The following POLD3 variants were observed in gnomAD, a reference collection of about 807,000 sequenced individuals.
The protein encoded by POLD3 is DNA polymerase delta 3, accessory subunit.
Under a neutral mutation model 58.2 loss-of-function variants are expected in POLD3, and 19 were observed. The observed-to-expected ratio is 0.33, with a 90% CI of 0.23 to 0.48. The LOEUF is 0.48. Ranked by LOEUF, POLD3 falls within the 20% of genes least tolerant of loss-of-function variation. The pLI is 0.99. For missense variants in POLD3, 504 were observed against 545.5 expected (o/e 0.92, Z 0.76); for synonymous variants, 172 against 193.5 (o/e 0.89, Z 0.92).
At chr11:74,617,015 G>A (rs1172710664) in intron 5 of POLD3, among the ~76,000 whole-genome samples, 1 of 152,124 alleles carries the variant, frequency 6.6e-6, no homozygotes, top group Non-Finnish European at 1.5e-5. Flanking sequence ...CTGGGTGCCT[G>A]AAATAAAAAA....
At chr11:74,602,514 T>G (rs1210919438) in intron 2 of POLD3, among the ~76,000 whole-genome samples, 1 of 152,204 alleles carries the variant, frequency 6.6e-6, no homozygotes, top group Non-Finnish European at 1.5e-5. Context: ...TTTCTCACTT[T>G]AAAATATACC....
intron 4 of POLD3, among the ~76,000 whole-genome samples, chr11:74,654,020 C>T (rs1434008074): frequency 6.6e-6 from 1 of 152,076 alleles, no homozygotes; most frequent in Non-Finnish European, 1.5e-5. Context: ...GGAGATGCCA[C>T]ACACTTTTGC....
chr11:74,593,468 C>T lies in POLD3; in HGVS notation c.61-593C>T, dbSNP rs570107666. ...TGCCTAACCTGTGCAAGTCTTCTAA[C>T]TATTGGAAGCTTGACATTTGGAATT... is the stretch of plus-strand genomic sequence containing the variant. On this transcript the variant is annotated intron_variant, in intron 1 of 11. Transcript: ENST00000263681. 4.6e-5 allele frequency among the ~76,000 whole-genome samples: 7 copies of T among 152,312 alleles called. No homozygotes were observed. In the East Asian group the frequency reaches 1.2e-3, roughly 25 times the overall value.
rs377597691 is a variant in POLD3 at position 74,636,210 on chromosome 11, A to G, written c.1133A>G (p.Glu378Gly). ...EPPSVKSSSG[E>G]NKRKRKRVLK... ...CTGACCTTTTAGAGCTCAAGTGGAG[A>G]AAACAAAAGAAAACGAAAACGCGTA... is the stretch of plus-strand genomic sequence containing the variant. The change falls in exon 11 of 12, where the codon GAA becomes GGA. Residue 378 changes from glutamate to glycine, a missense_variant. Transcript: ENST00000263681. 8.7e-6 allele frequency: 14 copies of G among 1,609,064 alleles called. No individual in the cohort carries two copies. The highest frequency in any genetic ancestry group is 1.0e-5 in the Non-Finnish European group (12 of 1,175,402).
At chr11:74,617,261 T>A (rs2032107818) in intron 5 of POLD3, among the ~76,000 whole-genome samples, 1 of 152,230 alleles carries the variant, frequency 6.6e-6, no homozygotes, top group Non-Finnish European at 1.5e-5. Flanking sequence ...CCACACAAGC[T>A]GTTCCACCAA....
intron 9 of POLD3, among the ~76,000 whole-genome samples, chr11:74,629,850 T>TA (rs943240864): frequency 5.3e-5 from 8 of 152,034 alleles, no homozygotes; most frequent in East Asian, 1.9e-4. Flanking sequence ...AATATGCTTT[T>TA]AAAAAAATAT....
intron 2 of POLD3, among the ~76,000 whole-genome samples, chr11:74,594,732 C>T (rs905829698): frequency 1.3e-5 from 2 of 152,202 alleles, no homozygotes; most frequent in Non-Finnish European, 1.5e-5. Context: ...AATTGACTCA[C>T]AGTTCCGCAT....
chr11:74,619,562 G>A (rs1287738952), intron 6 of POLD3, among the ~76,000 whole-genome samples: 5 of 152,000 alleles, frequency 3.3e-5, no homozygotes, highest in East Asian at 3.8e-4. Flanking sequence ...TTTCCCTTTC[G>A]CATATGGTAA....
At chr11:74,659,878 C>T (rs1298205838) in intron 4 of POLD3, among the ~76,000 whole-genome samples, 1 of 152,224 alleles carries the variant, frequency 6.6e-6, no homozygotes, top group Non-Finnish European at 1.5e-5. Flanking sequence ...GCCCTCCAAA[C>T]TGTTCTAACC....
rs1160542547 is a variant in POLD3, at chr11:74,668,737, GAT to G, written c.370-34_370-33del. The G allele has an allele frequency of 5.5e-6, 7 of 1,270,366 alleles. No homozygotes were observed. In the African/African-American group the frequency reaches 1.1e-4, roughly 20 times the overall value. The allele number at this position is 1,270,366 out of a possible 1,614,324, so 78.7% of individuals were successfully genotyped here. ...GGGGGTATAATGGGAGAAAAGGGAAGATATATAGAGTTTTCCTTTCTGTTGTG... is the reference window on the plus strand; with the variant it reads ...GGGGGTATAATGGGAGAAAAGGGAAGATATAGAGTTTTCCTTTCTGTTGTG... On this transcript the variant is annotated intron_variant, in intron 4 of 4. Transcript: ENST00000524752.
At chr11:74,604,457 C>T in intron 2 of POLD3, 1 of 394,616 alleles carries the variant, frequency 2.5e-6, no homozygotes, top group South Asian at 4.0e-5. Context: ...AATCTTATTT[C>T]AGTTAATGTA....
intron 4 of POLD3, among the ~76,000 whole-genome samples, chr11:74,650,694 C>G (rs946613606): frequency 5.3e-5 from 8 of 152,190 alleles, no homozygotes; most frequent in African/African-American, 1.9e-4. Context: ...CCAGCCAACT[C>G]CAACCCTCCT....
chr11:74,664,863 G>A (rs1388543890), intron 4 of POLD3, among the ~76,000 whole-genome samples: 18 of 152,158 alleles, frequency 1.2e-4, no homozygotes, highest in Admixed American at 1.2e-3. Flanking sequence ...ACTTTGAGAG[G>A]CCTAGGTGGG....
intron 2 of POLD3, among the ~76,000 whole-genome samples, chr11:74,596,928 T>C (rs1455323822): frequency 1.3e-5 from 2 of 152,240 alleles, no homozygotes; most frequent in East Asian, 3.8e-4. Context: ...TTGTTGCAAA[T>C]GATAGGATTT....
intron 3 of POLD3, among the ~76,000 whole-genome samples, chr11:74,610,830 A>G (rs1591298124): frequency 6.6e-6 from 1 of 152,156 alleles, no homozygotes; most frequent in East Asian, 1.9e-4. Flanking sequence ...GCTGGAGTGC[A>G]GTGGCACAAT....
At chr11:74,615,737 T>C (rs1328478354) in intron 5 of POLD3, among the ~76,000 whole-genome samples, 1 of 152,020 alleles carries the variant, frequency 6.6e-6, no homozygotes, top group Non-Finnish European at 1.5e-5. Context: ...TAAAGATGGG[T>C]CCTCAAGGAG....
intron 4 of POLD3, among the ~76,000 whole-genome samples, chr11:74,660,107 A>G (rs957441769): frequency 2.0e-5 from 3 of 152,210 alleles, no homozygotes; most frequent in Non-Finnish European, 2.9e-5. Context: ...CACTTCTTAC[A>G]TGGCAGCAGC....
At chr11:74,628,169 T>A (rs973099900) in intron 8 of POLD3, among the ~76,000 whole-genome samples, 1 of 152,162 alleles carries the variant, frequency 6.6e-6, no homozygotes, top group Non-Finnish European at 1.5e-5. Context: ...AACTTTATTC[T>A]TCGAGTTTGT....
chr11:74,641,199 A>T lies in POLD3; in HGVS notation c.*433A>T. On this transcript the variant is annotated 3_prime_UTR_variant, in exon 12 of 12. Transcript: ENST00000263681. The stretch of plus-strand genomic sequence containing the variant: ...GTTTCTTATCCTTACATTCTGCTGG[A>T]TACGTTTACCCCTCTTGTCTTCCTG... 5.1e-6 allele frequency: 5 copies of T among 985,882 alleles called. No homozygotes were observed. Among genetic ancestry groups the T allele is most frequent in the Non-Finnish European group, 6.0e-6 (5 of 830,286 alleles). The allele number at this position is 985,882 out of a possible 1,614,324, so 61.1% of individuals were successfully genotyped here.
Sources: allele counts gnomAD v4.1 joint callset (sites outside exome capture counted in the v4.1 genomes callset), GRCh38; gene constraint gnomAD v4.1.1; transcripts MANE v1.5; gene names NCBI Gene and HGNC (gene_info 2026-07-23, HGNC 2026-07-21).